The following NFIX variants were observed in gnomAD, a reference collection of about 807,000 sequenced individuals.
The protein encoded by NFIX is nuclear factor 1 X-type.
Under a neutral mutation model 53.3 loss-of-function variants are expected in NFIX, and 2 were observed. The ratio of observed to expected loss-of-function variants is 0.04; its 90% CI spans 0.02 to 0.12. The LOEUF is 0.12. Among genes scored for constraint, NFIX ranks in the 10% least tolerant of loss-of-function variants. NFIX has a pLI of 1.00. For synonymous variants in NFIX, 244 were observed against 289.0 expected (o/e 0.84, Z 1.58); for missense variants, 310 against 674.5 (o/e 0.46, Z 5.99).
rs2012352540 is a variant in NFIX, at chr19:13,011,599, C to A, written c.28-13422C>A. On this transcript the variant is annotated intron_variant, in intron 1 of 10. Coordinates refer to ENST00000592199, the MANE Select transcript of NFIX (RefSeq NM_001365902.3). The surrounding 1 kb of genome is among the most constrained non-coding windows in gnomAD (Gnocchi z 6.5). ...CTGCCCAATCATAGCTCTTTGATAT[C>A]CCAGCCCGGCTGGAGAAAGTTAGAT... Among the ~76,000 whole-genome samples, 1 of 152,130 alleles carries A rather than the reference C, an allele frequency of 6.6e-6. No individual in the cohort carries two copies. The highest frequency in any genetic ancestry group is 6.5e-5 in the Admixed American group (1 of 15,282).
chr19:13,094,570 G>A lies in NFIX; in HGVS notation c.1495-65G>A. ...CTTGAGGGGCCAGGTCACTGGGCCA[G>A]GTAGGAGTGAGATGGGACCTGCCCC... is the stretch of plus-strand genomic sequence containing the variant. On this transcript the variant is annotated intron_variant, in intron 10 of 10. Transcript: ENST00000592199. This position sits in a 1 kb window ranked among gnomAD's most constrained non-coding sequence, Gnocchi z 4.3. 6.6e-7 allele frequency: 1 copy of A among 1,519,708 alleles called. No homozygotes were observed. Among genetic ancestry groups the A allele is most frequent in the Non-Finnish European group, 8.8e-7 (1 of 1,132,956 alleles). 94.1% of individuals were successfully genotyped at this position (1,519,708 alleles called of 1,614,324 possible).
rs1271572750 is a variant in NFIX, at chr19:13,040,774, A to G, written c.559+15222A>G. ...GTTTGTCTTTCACACACTCGCGCAC[A>G]CACACAGCCACTTCTCGAAGCAGAT... On this transcript the variant is annotated intron_variant, in intron 2 of 10. Coordinates refer to ENST00000592199, the MANE Select transcript of NFIX (RefSeq NM_001365902.3). The surrounding 1 kb of genome is among the most constrained non-coding windows in gnomAD (Gnocchi z 4.2). Among the ~76,000 whole-genome samples, 1 of 152,194 alleles carries G rather than the reference A, an allele frequency of 6.6e-6. No homozygotes were observed. The highest frequency in any genetic ancestry group is 2.4e-5 in the African/African-American group (1 of 41,442).
rs1238495975 is a variant in NFIX, at chr19:13,012,090, C to G, written c.28-12931C>G. 2 of 152,036 alleles carry G rather than the reference C, an allele frequency of 1.3e-5. No homozygotes were observed. Among genetic ancestry groups the G allele is most frequent in the African/African-American group, 4.8e-5 (2 of 41,356 alleles). The allele number at this position is 152,036 out of a possible 1,614,324, so 9.4% of individuals were successfully genotyped here. On this transcript the variant is annotated intron_variant, in intron 1 of 10. Transcript: ENST00000592199. The surrounding 1 kb of genome is among the most constrained non-coding windows in gnomAD (Gnocchi z 5.0). ...CGGGGCGCGAAGGGGCCGCGGGACA[C>G]GAGCGGGCCGTGCGCAAAGCCTGGC...
chr19:12,997,014 G>T (rs73925240), intron 1 of NFIX, among the ~76,000 whole-genome samples: 15,428 of 152,288 alleles, frequency 0.1, 859 homozygotes, highest in Non-Finnish European at 0.13. Flanking sequence ...GGGACATCTA[G>T]GGGCTGCTTA....
In NFIX at chr19:13,011,219, C is replaced by T. The variant is rs1208978199; in HGVS notation, c.28-13802C>T. Among the ~76,000 whole-genome samples the T allele has an allele frequency of 1.3e-5, 2 of 152,198 alleles. No individual in the cohort carries two copies. The highest frequency in any genetic ancestry group is 3.8e-4 in the East Asian group (2 of 5,196). On this transcript the variant is annotated intron_variant, in intron 1 of 10. Transcript: ENST00000592199. This position sits in a 1 kb window ranked among gnomAD's most constrained non-coding sequence, Gnocchi z 6.5. ...TCCCCCAAGGGCCGGACTGCAGCTCCGAATCCCGCAGCCCCAGAAACACAA... is the reference window on the plus strand; with the variant it reads ...TCCCCCAAGGGCCGGACTGCAGCTCTGAATCCCGCAGCCCCAGAAACACAA...
chr19:13,021,758 G>T lies in NFIX; in HGVS notation c.28-3263G>T, dbSNP rs1331387256. On this transcript the variant is annotated intron_variant, in intron 1 of 10. Coordinates refer to ENST00000592199, the MANE Select transcript of NFIX (RefSeq NM_001365902.3). The surrounding 1 kb of genome is among the most constrained non-coding windows in gnomAD (Gnocchi z 4.2). ...AACTGGAGAGACCCCCTCAGAAGTG[G>T]GACTCCCCTACCCAGTGCTCACCCT... Among the ~76,000 whole-genome samples, 1 of 152,018 alleles carries T rather than the reference G, an allele frequency of 6.6e-6. No individual in the cohort carries two copies. The highest frequency in any genetic ancestry group is 1.9e-4 in the East Asian group (1 of 5,170).
intron 1 of NFIX, among the ~76,000 whole-genome samples, chr19:13,019,727 GTTTGT>G (rs958555686): frequency 4.0e-5 from 5 of 124,028 alleles, no homozygotes; most frequent in South Asian, 2.5e-4. Flanking sequence ...TTTTTTGTTT[GTTTGT>G]TTTTTTTTTT....
chr19:13,023,629 T>C (rs1443299775), intron 1 of NFIX, among the ~76,000 whole-genome samples: 2 of 147,364 alleles, frequency 1.4e-5, no homozygotes, highest in Admixed American at 6.7e-5. Context: ...TGCATTTTTT[T>C]CTTTTTTTTT....
chr19:13,069,880 G>A (rs1193470563), intron 2 of NFIX: 4 of 152,262 alleles, frequency 2.6e-5, no homozygotes, highest in Non-Finnish European at 5.9e-5. Context: ...GAGCAGCCAC[G>A]AGGCAGGGCC....
rs1355955403 is a variant in NFIX at position 13,036,743 on chromosome 19, T to C, written c.559+11191T>C. 6.6e-6 allele frequency among the ~76,000 whole-genome samples: 1 copy of C among 152,144 alleles called. No homozygotes were observed. The highest frequency in any genetic ancestry group is 2.4e-5 in the African/African-American group (1 of 41,416). ...CAGGGGGTGTAATAAGTGTATATCC[T>C]CTGGCTATAAATAGCCACCAGCCCC... On this transcript the variant is annotated intron_variant, in intron 2 of 10. Transcript: ENST00000592199. This position sits in a 1 kb window ranked among gnomAD's most constrained non-coding sequence, Gnocchi z 4.7.
chr19:13,004,054 G>A (rs981902157), intron 1 of NFIX, among the ~76,000 whole-genome samples: 1 of 152,046 alleles, frequency 6.6e-6, no homozygotes, highest in Non-Finnish European at 1.5e-5. Flanking sequence ...GGAGCCATGA[G>A]CCACCATGCC....
rs1027760835 is a variant in NFIX at position 13,011,685 on chromosome 19, G to T, written c.28-13336G>T. On this transcript the variant is annotated intron_variant, in intron 1 of 10. Transcript: ENST00000592199. The surrounding 1 kb of genome is among the most constrained non-coding windows in gnomAD (Gnocchi z 6.5). ...AGAAGCTGGGCTGCACCCCATGTTG[G>T]CACGAACACTCCCTCCCCAGTGCCT... Among the ~76,000 whole-genome samples the T allele has an allele frequency of 2.6e-5, 4 of 152,160 alleles. No homozygotes were observed. The highest frequency in any genetic ancestry group is 5.9e-5 in the Non-Finnish European group (4 of 68,022).
chr19:13,041,202 G>A (rs888985189), intron 2 of NFIX, among the ~76,000 whole-genome samples: 3 of 152,188 alleles, frequency 2.0e-5, no homozygotes, highest in Non-Finnish European at 2.9e-5. Flanking sequence ...TGGACACACA[G>A]GGGCTTAGTT....
In NFIX at chr19:13,049,710, C is replaced by T. The variant is rs1004765987; in HGVS notation, c.560-23337C>T. Among the ~76,000 whole-genome samples the T allele has an allele frequency of 3.3e-5, 5 of 151,848 alleles. No individual in the cohort carries two copies. The highest frequency in any genetic ancestry group is 2.1e-4 in the South Asian group (1 of 4,822). ...CTGGGTTCAAGCGATTCTTCTGCCT[C>T]GGCCTCCTAAGTAGCTGGGACTACA... On this transcript the variant is annotated intron_variant, in intron 2 of 10. Transcript: ENST00000592199. The surrounding 1 kb of genome is among the most constrained non-coding windows in gnomAD (Gnocchi z 4.5).
intron 10 of NFIX, among the ~76,000 whole-genome samples, chr19:13,091,617 A>G (rs1599883766): frequency 6.6e-6 from 1 of 152,138 alleles, no homozygotes; most frequent in Middle Eastern, 3.4e-3. Context: ...AAGAAAAACA[A>G]TGGCTCCGAG....
rs1406013012 is a variant in NFIX at position 12,998,808 on chromosome 19, C to A, written c.27+2944C>A. Among the ~76,000 whole-genome samples the A allele has an allele frequency of 6.6e-6, 1 of 152,170 alleles. No homozygotes were observed. Among genetic ancestry groups the A allele is most frequent in the African/African-American group, 2.4e-5 (1 of 41,432 alleles). On this transcript the variant is annotated intron_variant, in intron 1 of 10. Coordinates refer to ENST00000592199, the MANE Select transcript of NFIX (RefSeq NM_001365902.3). The surrounding 1 kb of genome is among the most constrained non-coding windows in gnomAD (Gnocchi z 4.4). ...TCACACACACCCATTAACACACACG[C>A]ACCTCTTGAAATGGGACACGTATAT...
intron 1 of NFIX, chr19:13,024,433 T>C: frequency 7.0e-7 from 1 of 1,428,336 alleles, no homozygotes. Context: ...GAAAACAGCC[T>C]GGGGAGAGGG....
intron 1 of NFIX, chr19:13,023,900 C>G: frequency 1.4e-6 from 1 of 730,100 alleles, no homozygotes; most frequent in Non-Finnish European, 2.3e-6. Flanking sequence ...CAATAATAAC[C>G]CCCTTTAAAA....
chr19:13,074,166 AC>A, intron 5 of NFIX, 140 bp downstream of exon 5: 1 of 1,145,408 alleles, frequency 8.7e-7, no homozygotes, highest in Non-Finnish European at 1.2e-6. Flanking sequence ...ACTGGCTCTA[AC>A]ACTTTAGAGT....
Sources: allele counts gnomAD v4.1 joint callset (sites outside exome capture counted in the v4.1 genomes callset), GRCh38; gene constraint gnomAD v4.1.1; non-coding constraint Gnocchi (gnomAD v3.1); transcripts MANE v1.5; gene names NCBI Gene and HGNC (gene_info 2026-07-23, HGNC 2026-07-21).